The following LY6G5C variants were observed in gnomAD, a reference collection of about 807,000 sequenced individuals.
The protein encoded by LY6G5C is lymphocyte antigen 6 complex locus protein G5c.
Under a neutral mutation model 10.5 loss-of-function variants are expected in LY6G5C, and 6 were observed. That is an observed-to-expected ratio of 0.57 (90% CI 0.31 to 1.12). The LOEUF (loss-of-function observed/expected upper bound fraction) is 1.12, where lower values mean the gene tolerates loss of function less well. Ranked by LOEUF, LY6G5C falls within the 50% of genes most tolerant of loss-of-function variation. The pLI, the probability that LY6G5C is intolerant of heterozygous loss-of-function variation, is 0.05. For missense variants in LY6G5C, 160 were observed against 185.5 expected, an observed-to-expected ratio of 0.86 and a Z score of 0.80; for synonymous variants, 69 against 67.8, an observed-to-expected ratio of 1.02 and a Z score of -0.09.
At chr6:31,680,388 C>T, upstream of LY6G5C, 2 of 1,605,128 alleles carry the variant, frequency 1.2e-6, no homozygotes, top group Non-Finnish European at 1.7e-6. This position sits in a 1 kb window ranked among gnomAD's most constrained non-coding sequence, Gnocchi z 4.5. Flanking sequence ...GCCTGCTGGC[C>T]TCCAGTTTGG....
intron 2 of LY6G5C, among the ~76,000 whole-genome samples, chr6:31,678,533 T>A (rs1802701292): frequency 6.6e-6 from 1 of 152,204 alleles, no homozygotes; most frequent in Non-Finnish European, 1.5e-5. Context: ...TGCAGACAGA[T>A]GCGGAAGCAG....
chr6:31,677,087 C>G (rs761987321), exon 3 of LY6G5C: 1 of 1,612,864 alleles, frequency 6.2e-7, no homozygotes, highest in Non-Finnish European at 8.5e-7. Flanking sequence ...CTCCTTACTT[C>G]GGCAGTCACT....
rs1299294094 is a variant in LY6G5C, at chr6:31,677,052, G to A, written c.358C>T (p.Arg120Ter). ...CAGAAGCCAGACACCGGAGAAGTTC[G>A]GGTATTTGAACAATCACTCATCTGC... Residue 120 changes from arginine (R) to a stop codon, truncating the protein, a stop_gained, in exon 3 of 3, where the codon CGA becomes TGA. Coordinates refer to ENST00000383237, the Ensembl canonical transcript of LY6G5C. LOFTEE classifies it low-confidence loss of function (END_TRUNC). The A allele has an allele frequency of 5.0e-6, 8 of 1,612,822 alleles. No individual in the cohort carries two copies. The highest frequency in any genetic ancestry group is 2.7e-5 in the African/African-American group (2 of 74,876).
Position 31,677,087 on chromosome 6 carries a change from C to T in LY6G5C, c.323G>A (p.Arg108Gln), listed in dbSNP as rs761987321. 1.7e-5 allele frequency: 27 copies of T among 1,612,746 alleles called. No individual in the cohort carries two copies. In the East Asian group the frequency reaches 2.2e-4, roughly 13 times the overall value. Residue 108 changes from arginine (R) to glutamine (Q), a missense_variant, in exon 3 of 3, where the codon CGA becomes CAA. By Grantham distance (43) the Arg-to-Gln change is conservative (BLOSUM62 1). Transcript: ENST00000383237. ...ACAATCACTCATCTGCTCCTTACTT[C>T]GGCAGTCACTCACCATGACGTCAGA...
chr6:31,680,099 C>T lies in LY6G5C; in HGVS notation c.121+154G>A. The T allele has an allele frequency of 1.3e-6, 1 of 770,638 alleles. No individual in the cohort carries two copies. Among genetic ancestry groups the T allele is most frequent in the Non-Finnish European group, 2.2e-6 (1 of 444,674 alleles). 47.7% of individuals were successfully genotyped at this position (770,638 alleles called of 1,614,324 possible). ...AAAATCTTCAGATTGCACATCAGTC[C>T]ATGAGCAGGCATTCCCTACCAAACC... On this transcript the variant is annotated intron_variant, in intron 1 of 2. Transcript: ENST00000383237. The surrounding 1 kb of genome is among the most constrained non-coding windows in gnomAD (Gnocchi z 4.5).
intron 2 of LY6G5C, among the ~76,000 whole-genome samples, chr6:31,677,733 A>G (rs921068959): frequency 1.3e-5 from 2 of 152,206 alleles, no homozygotes; most frequent in African/African-American, 2.4e-5. Flanking sequence ...AATAATGTTT[A>G]CAGTGGGATG....
upstream of LY6G5C, among the ~76,000 whole-genome samples, chr6:31,680,925 A>C (rs530735937): frequency 3.2e-4 from 48 of 152,308 alleles, no homozygotes; most frequent in African/African-American, 1.1e-3. The surrounding 1 kb of genome is among the most constrained non-coding windows in gnomAD (Gnocchi z 4.5). Context: ...AGCAGGGACG[A>C]GGAAGCGGGG....
chr6:31,680,886 A>G (rs1245839634), upstream of LY6G5C, among the ~76,000 whole-genome samples: 3 of 152,154 alleles, frequency 2.0e-5, no homozygotes, highest in Non-Finnish European at 4.4e-5. This position sits in a 1 kb window ranked among gnomAD's most constrained non-coding sequence, Gnocchi z 4.5. Context: ...GTCCGGTCAC[A>G]AGATGGCGGA....
At chr6:31,678,496 C>G (rs1277827982) in intron 2 of LY6G5C, among the ~76,000 whole-genome samples, 1 of 152,200 alleles carries the variant, frequency 6.6e-6, no homozygotes, top group Non-Finnish European at 1.5e-5. Context: ...GTGGAGGATG[C>G]AGGAGAAGAG....
exon 3 of LY6G5C, chr6:31,676,814 A>G (rs1388285389): frequency 4.0e-6 from 3 of 754,682 alleles, no homozygotes; most frequent in Non-Finnish European, 6.7e-6. Context: ...ACCAAGAGGA[A>G]GAGCCAAGGC....
chr6:31,678,848 C>T (rs1241501937), intron 2 of LY6G5C, among the ~76,000 whole-genome samples: 3 of 152,064 alleles, frequency 2.0e-5, no homozygotes, highest in Non-Finnish European at 4.4e-5. Flanking sequence ...GGCGTGGTGG[C>T]GTGCACCTTT....
chr6:31,680,380 C>T (rs1182054064), upstream of LY6G5C: 6 of 1,606,492 alleles, frequency 3.7e-6, no homozygotes, highest in Admixed American at 1.0e-4. This position sits in a 1 kb window ranked among gnomAD's most constrained non-coding sequence, Gnocchi z 4.5. Context: ...GCATGACTGC[C>T]TGCTGGCCTC....
At chr6:31,676,921 T>C (rs968752765) in exon 3 of LY6G5C, 1 of 1,599,502 alleles carries the variant, frequency 6.3e-7, no homozygotes. Context: ...GGCTGGAAAC[T>C]GGTGGAATTT....
At chr6:31,680,455 C>T (rs951165018), upstream of LY6G5C, 1 of 1,494,090 alleles carries the variant, frequency 6.7e-7, no homozygotes. The surrounding 1 kb of genome is among the most constrained non-coding windows in gnomAD (Gnocchi z 4.5). Flanking sequence ...AACACCAGCT[C>T]AGGGTGGAAA....
Position 31,679,136 on chromosome 6 carries a change from G to T in LY6G5C, c.254C>A (p.Ala85Asp). ...GTGGAGAGTGATGCAGCTGCTGCCAGCTGGGGTGAGGCAGATGTCAGATCC... is the reference window on the plus strand; with the variant it reads ...GTGGAGAGTGATGCAGCTGCTGCCATCTGGGGTGAGGCAGATGTCAGATCC... Residue 85 changes from alanine to aspartate, a missense_variant, in exon 2 of 3, where the codon GCT becomes GAT. Physicochemically the swap from Ala to Asp is moderately radical, Grantham distance 126. Transcript: ENST00000383237. This position sits in a 1 kb window ranked among gnomAD's most constrained non-coding sequence, Gnocchi z 4.4. 1 of 1,613,036 alleles carries T rather than the reference G, an allele frequency of 6.2e-7. No individual in the cohort carries two copies. The highest frequency in any genetic ancestry group is 8.5e-7 in the Non-Finnish European group (1 of 1,179,998).
chr6:31,678,873 G>T (rs1381620782), intron 2 of LY6G5C, among the ~76,000 whole-genome samples: 2 of 152,092 alleles, frequency 1.3e-5, no homozygotes, highest in Admixed American at 1.3e-4. Flanking sequence ...CCAGCTGCTT[G>T]GGAGACTGAG....
At chr6:31,678,466 T>G (rs1411934832) in intron 2 of LY6G5C, among the ~76,000 whole-genome samples, 1 of 152,110 alleles carries the variant, frequency 6.6e-6, no homozygotes, top group African/African-American at 2.4e-5. Context: ...AAACGCTCCA[T>G]GAAGGAGACT....
At chr6:31,677,797 T>C (rs1583635050) in intron 2 of LY6G5C, among the ~76,000 whole-genome samples, 1 of 152,186 alleles carries the variant, frequency 6.6e-6, no homozygotes, top group East Asian at 1.9e-4. Context: ...AAACAGCATA[T>C]TTGTGCAGGG....
At chr6:31,676,690 T>G (rs932028354), downstream of LY6G5C, 7 of 476,252 alleles carry the variant, frequency 1.5e-5, no homozygotes, top group Admixed American at 1.4e-4. Context: ...ACCAAACAGT[T>G]TACACACAAA....
Sources: gnomAD v4.1 joint callset for allele counts (sites outside exome capture counted in the v4.1 genomes callset) on GRCh38, gnomAD v4.1.1 for gene constraint, Gnocchi (gnomAD v3.1) non-coding constraint, MANE v1.5 for transcripts, NCBI Gene and HGNC (gene_info 2026-07-23, HGNC 2026-07-21) for gene names.